Variants in HSPA4 observed in about 807,000 individuals in gnomAD.
The protein encoded by HSPA4 is heat shock 70 kDa protein 4.
In HSPA4, 25 loss-of-function variants were observed where a neutral mutation model predicts 106.2. That is an observed-to-expected ratio of 0.24 (90% CI 0.17 to 0.33). HSPA4 has a LOEUF of 0.33. Ranked by LOEUF, HSPA4 falls within the 10% of genes least tolerant of loss-of-function variation. The pLI is 1.00. For synonymous variants in HSPA4, 332 were observed against 333.6 expected (o/e 1.00, Z 0.05); for missense variants, 841 against 996.0 (o/e 0.84, Z 2.10).
In HSPA4 at chr5:133,105,994, G is replaced by C. The variant is rs1031728502; in HGVS notation, c.*1558G>C. On this transcript the variant is annotated 3_prime_UTR_variant, in exon 19 of 19. Transcript: ENST00000304858. ...TGTCATGCTTCAAGAGTTCCAGCTG[G>C]CCTGCTGTGAAGCCAGTAGCTATTT... is the stretch of plus-strand genomic sequence containing the variant. The C allele has an allele frequency of 2.0e-5, 3 of 151,172 alleles. No homozygotes were observed. Among genetic ancestry groups the C allele is most frequent in the Non-Finnish European group, 4.4e-5 (3 of 67,954 alleles). The allele number at this position is 151,172 out of a possible 1,614,324, so 9.4% of individuals were successfully genotyped here. A position where few individuals can be genotyped will look rare whatever the true frequency, so the allele number is the denominator to read the frequency against.
At chr5:133,086,714 T>G (rs1456943731) in intron 7 of HSPA4, 68 bp from the exon 8 acceptor site, 8 of 1,063,002 alleles carry the variant, frequency 7.5e-6, no homozygotes, top group Non-Finnish European at 8.7e-6. Flanking sequence ...ATTATAGCCA[T>G]CCATTCCACA....
chr5:133,059,524 G>A (rs1205078330), intron 1 of HSPA4, among the ~76,000 whole-genome samples: 1 of 151,710 alleles, frequency 6.6e-6, no homozygotes, highest in African/African-American at 2.4e-5. Context: ...GAGGTAGGAG[G>A]ATTGCTTGAG....
chr5:133,061,997 A>C (rs1413992001), intron 1 of HSPA4, among the ~76,000 whole-genome samples: 1 of 152,134 alleles, frequency 6.6e-6, no homozygotes, highest in Non-Finnish European at 1.5e-5. Flanking sequence ...AAATAGGTGG[A>C]ATTTCTAGAG....
intron 7 of HSPA4, among the ~76,000 whole-genome samples, chr5:133,082,832 A>G (rs1765529326): frequency 6.6e-6 from 1 of 152,104 alleles, no homozygotes; most frequent in Non-Finnish European, 1.5e-5. Context: ...TTTTAAAAAG[A>G]AACTATCAAA....
At chr5:133,094,232 A>AT (rs1357846220) in intron 13 of HSPA4, among the ~76,000 whole-genome samples, 9 of 152,146 alleles carry the variant, frequency 5.9e-5, no homozygotes, top group Non-Finnish European at 7.4e-5. Context: ...TCATGTTTAA[A>AT]TTTTTTTATC....
intron 7 of HSPA4, among the ~76,000 whole-genome samples, chr5:133,078,297 A>C (rs1246632184): frequency 6.7e-6 from 1 of 149,706 alleles, no homozygotes; most frequent in South Asian, 2.1e-4. Flanking sequence ...GCACCACTGC[A>C]CTCCAGCCTG....
At chr5:133,100,688 A>T (rs1240392703) in intron 16 of HSPA4, among the ~76,000 whole-genome samples, 1 of 152,196 alleles carries the variant, frequency 6.6e-6, no homozygotes, top group East Asian at 1.9e-4. Flanking sequence ...ATCTTTTAAC[A>T]TTAGGATTAA....
At chr5:133,084,003 A>G (rs1350116471) in intron 7 of HSPA4, among the ~76,000 whole-genome samples, 1 of 152,182 alleles carries the variant, frequency 6.6e-6, no homozygotes, top group Non-Finnish European at 1.5e-5. Flanking sequence ...TGACATACTC[A>G]GGTTTTAAGT....
At chr5:133,069,200 A>G (rs187509382) in intron 3 of HSPA4, among the ~76,000 whole-genome samples, 23 of 152,156 alleles carry the variant, frequency 1.5e-4, no homozygotes, top group Admixed American at 5.2e-4. Context: ...GCAGACTTTT[A>G]TCTGGAATAG....
At chr5:133,054,466 A>T (rs992291788) in intron 1 of HSPA4, among the ~76,000 whole-genome samples, 1 of 152,136 alleles carries the variant, frequency 6.6e-6, no homozygotes, top group South Asian at 2.1e-4. Flanking sequence ...GGCTTTCCAA[A>T]GTGCTGGGTT....
intron 7 of HSPA4, among the ~76,000 whole-genome samples, chr5:133,085,955 G>A (rs1254298626): frequency 1.3e-5 from 2 of 152,206 alleles, no homozygotes; most frequent in African/African-American, 4.8e-5. Context: ...GATGTTAATA[G>A]AGGAACTGGG....
intron 17 of HSPA4, among the ~76,000 whole-genome samples, chr5:133,102,805 C>T (rs1378638937): frequency 2.0e-5 from 3 of 151,848 alleles, no homozygotes; most frequent in Non-Finnish European, 2.9e-5. Flanking sequence ...GGTGAAATCT[C>T]GGCTCACTGC....
intron 7 of HSPA4, among the ~76,000 whole-genome samples, chr5:133,079,879 G>A (rs909737731): frequency 6.6e-6 from 1 of 152,218 alleles, no homozygotes; most frequent in African/African-American, 2.4e-5. Context: ...GATAGCACAT[G>A]TGAATAGTGT....
At chr5:133,095,921 C>T (rs924027615) in intron 13 of HSPA4, among the ~76,000 whole-genome samples, 177 bp from the exon 14 acceptor site, 1 of 152,160 alleles carries the variant, frequency 6.6e-6, no homozygotes, top group Admixed American at 6.5e-5. Flanking sequence ...GCTCTAGATA[C>T]CTCATTGTAT....
At chr5:133,073,712 A>G (rs528841916) in intron 5 of HSPA4, among the ~76,000 whole-genome samples, 1 of 152,336 alleles carries the variant, frequency 6.6e-6, no homozygotes, top group South Asian at 2.1e-4. Context: ...AGGGGTAGAA[A>G]AGATCCAGGA....
chr5:133,091,402 G>T, intron 12 of HSPA4, 28 bp downstream of exon 12: 1 of 1,563,076 alleles, frequency 6.4e-7, no homozygotes, highest in South Asian at 1.2e-5. Context: ...TACCACTTGT[G>T]ATGGCCCAGA....
rs1358724294 is a variant in HSPA4, at chr5:133,089,671, T to A, written c.1354T>A (p.Leu452Met). The A allele has an allele frequency of 6.2e-7, 1 of 1,609,524 alleles. No individual in the cohort carries two copies. The highest frequency in any genetic ancestry group is 8.5e-7 in the Non-Finnish European group (1 of 1,177,264). The part of the protein sequence containing the change: ...LEAYYSSPQD[L>M]PYPDPAIAQF... ...GGCCTACTACAGCTCTCCTCAGGAT[T>A]TGCCCTATCCAGATCCTGCTATAGG... Residue 452 changes from leucine (L) to methionine (M), a missense_variant, in exon 11 of 19, where the codon TTG (leucine) becomes ATG (methionine). Around this residue, in one of 5 missense-constraint regions of HSPA4, gnomAD observed 162 missense variants for 177.7 expected, o/e 0.91. Transcript: ENST00000304858.
At chr5:133,063,921 C>T (rs1485838598) in intron 1 of HSPA4, among the ~76,000 whole-genome samples, 3 of 151,414 alleles carry the variant, frequency 2.0e-5, no homozygotes, top group Non-Finnish European at 2.9e-5. Flanking sequence ...GCCACCACGC[C>T]CAGCTACTTT....
chr5:133,053,441 C>T (rs1050204961), intron 1 of HSPA4, among the ~76,000 whole-genome samples: 1 of 149,872 alleles, frequency 6.7e-6, no homozygotes, highest in Non-Finnish European at 1.5e-5. Flanking sequence ...TCCCTGGCTC[C>T]TGGCTCAGGT....
Sources: allele counts gnomAD v4.1 joint callset (sites outside exome capture counted in the v4.1 genomes callset), GRCh38; gene constraint gnomAD v4.1.1; regional missense constraint gnomAD v4.1.1; transcripts MANE v1.5; gene names NCBI Gene and HGNC (gene_info 2026-07-23, HGNC 2026-07-21).